The following NEXMIF variants were observed in gnomAD, a reference collection of about 807,000 sequenced individuals.
NEXMIF encodes the protein XLMR protein related to neurite extension.
In NEXMIF, 8 loss-of-function variants were observed where a neutral mutation model predicts 62.1. The observed-to-expected ratio is 0.13, with a 90% confidence interval of 0.08 to 0.23. NEXMIF has a LOEUF of 0.23. Among genes scored for constraint, NEXMIF ranks in the 10% least tolerant of loss-of-function variants. The probability of loss-of-function intolerance (pLI) is 1.00; values close to 1 mark genes in which losing one functional copy is unlikely to be tolerated. For missense variants in NEXMIF, 976 were observed against 1,113.3 expected (o/e 0.88, Z 1.75); for synonymous variants, 404 against 416.6 (o/e 0.97, Z 0.37).
Position 74,877,138 on chromosome X carries a change from C to G in NEXMIF, c.-48+47745G>C, listed in dbSNP as rs888959015. On this transcript the variant is annotated intron_variant, in intron 1 of 3. Coordinates refer to ENST00000055682, the MANE Select transcript of NEXMIF (RefSeq NM_001008537.3). Reference sequence around the variant, plus strand: ...TTTGCAGCAGCTGGTACAGGTCGTTCCTTTCCATGTTTAGCGCTTCCTTCA... The same window carrying G: ...TTTGCAGCAGCTGGTACAGGTCGTTGCTTTCCATGTTTAGCGCTTCCTTCA... Among the ~76,000 whole-genome samples the G allele has an allele frequency of 4.3e-4, 48 of 111,641 alleles. 1 individual carries two copies. Among genetic ancestry groups the G allele is most frequent in the Non-Finnish European group, 1.1e-4 (6 of 53,197 alleles).
intron 1 of NEXMIF, among the ~76,000 whole-genome samples, chrX:74,856,267 A>T (rs956179749): frequency 4.4e-5 from 5 of 112,413 alleles, no homozygotes; most frequent in Non-Finnish European, 9.4e-5. Flanking sequence ...TCTAGACTCA[A>T]AAGTATAAAT....
chrX:74,915,657 A>T (rs968537835), intron 1 of NEXMIF, among the ~76,000 whole-genome samples: 1 of 111,982 alleles, frequency 8.9e-6, no homozygotes, highest in Non-Finnish European at 1.9e-5. Flanking sequence ...TAGAGGGGTC[A>T]TTATAAACAG....
At chrX:74,821,945 T>G (rs2080398300) in intron 1 of NEXMIF, among the ~76,000 whole-genome samples, 1 of 111,237 alleles carries the variant, frequency 9.0e-6, no homozygotes, top group Non-Finnish European at 1.9e-5. Context: ...GAGACGAGGT[T>G]TTGCCACGTA....
chrX:74,761,677 C>T (rs2080176501), intron 1 of NEXMIF, among the ~76,000 whole-genome samples: 4 of 111,135 alleles, frequency 3.6e-5, no homozygotes, highest in African/African-American at 1.3e-4. Context: ...AAACCAACTC[C>T]TATTTACATT....
At chrX:74,915,308 CAT>C (rs2080802971) in intron 1 of NEXMIF, among the ~76,000 whole-genome samples, 2 of 111,822 alleles carry the variant, frequency 1.8e-5, no homozygotes, top group Non-Finnish European at 3.8e-5. Flanking sequence ...CAAATATACA[CAT>C]GTGATAAAGT....
chrX:74,870,708 A>G (rs1324422680), intron 1 of NEXMIF, among the ~76,000 whole-genome samples: 1 of 112,086 alleles, frequency 8.9e-6, no homozygotes, highest in Non-Finnish European at 1.9e-5. Flanking sequence ...GCAAACAGGT[A>G]CAATGGCTCA....
At chrX:74,739,867 A>C (rs1473304050) in intron 3 of NEXMIF, 2 of 397,593 alleles carry the variant, frequency 5.0e-6, no homozygotes, top group Non-Finnish European at 8.6e-6. Flanking sequence ...GCTTTGTTAG[A>C]GCTTATCCCT....
At chrX:74,843,791 G>C (rs2080482091) in intron 1 of NEXMIF, among the ~76,000 whole-genome samples, 1 of 112,133 alleles carries the variant, frequency 8.9e-6, no homozygotes, top group Non-Finnish European at 1.9e-5. Context: ...TTCAAGGTTA[G>C]TATTGATATG....
At chrX:74,800,509 C>A (rs2080326474) in intron 1 of NEXMIF, among the ~76,000 whole-genome samples, 1 of 110,575 alleles carries the variant, frequency 9.0e-6, no homozygotes, top group South Asian at 3.9e-4. Context: ...GATAATCACT[C>A]CACAATCACA....
At chrX:74,766,308 T>C (rs1393389611) in intron 1 of NEXMIF, among the ~76,000 whole-genome samples, 1 of 112,082 alleles carries the variant, frequency 8.9e-6, no homozygotes, top group Non-Finnish European at 1.9e-5. Flanking sequence ...AGTTTTCACG[T>C]ATGATATCTT....
intron 1 of NEXMIF, among the ~76,000 whole-genome samples, chrX:74,749,492 A>G (rs1277338219): frequency 9.1e-6 from 1 of 110,492 alleles, no homozygotes; most frequent in Admixed American, 9.7e-5. Flanking sequence ...ACTTCCCCCT[A>G]TGTTCCTAAA....
At chrX:74,887,850 T>C (rs1192039287) in intron 1 of NEXMIF, among the ~76,000 whole-genome samples, 1 of 111,958 alleles carries the variant, frequency 8.9e-6, no homozygotes, top group Non-Finnish European at 1.9e-5. Context: ...TGCACACATA[T>C]GTTTATTGCG....
chrX:74,868,366 G>A (rs1395229246), intron 1 of NEXMIF, among the ~76,000 whole-genome samples: 1 of 111,642 alleles, frequency 9.0e-6, no homozygotes, highest in Middle Eastern at 4.2e-3. Flanking sequence ...GCAAAGACAT[G>A]GAATCAACCC....
intron 1 of NEXMIF, among the ~76,000 whole-genome samples, chrX:74,797,282 A>G (rs759572212): frequency 2.7e-5 from 3 of 112,122 alleles, no homozygotes; most frequent in African/African-American, 9.7e-5. Flanking sequence ...GAAAAATGAT[A>G]ATTAATGGAA....
At chrX:74,786,883 C>A (rs757595968) in intron 1 of NEXMIF, among the ~76,000 whole-genome samples, 31 of 110,235 alleles carry the variant, frequency 2.8e-4, no homozygotes, top group Admixed American at 4.8e-4. Context: ...ACACACACAC[C>A]CCTATCACTA....
In NEXMIF at chrX:74,739,288, T is replaced by C. The variant is rs1379756016; in HGVS notation, c.*117A>G. 1 of 463,046 alleles carries C rather than the reference T, an allele frequency of 2.2e-6. No homozygotes were observed. The highest frequency in any genetic ancestry group is 3.6e-6 in the Non-Finnish European group (1 of 278,039). The allele number at this position is 463,046 out of a possible 1,213,427, so 38.2% of individuals were successfully genotyped here. On this transcript the variant is annotated 3_prime_UTR_variant, in exon 4 of 4. Transcript: ENST00000055682. ...CTTTTTAAGTCTTTTACATAGAACATGAGATTAAAGTTTGCTCCAAAGACG... is the reference window on the plus strand; with the variant it reads ...CTTTTTAAGTCTTTTACATAGAACACGAGATTAAAGTTTGCTCCAAAGACG...
intron 1 of NEXMIF, among the ~76,000 whole-genome samples, chrX:74,859,369 G>T (rs182507544): frequency 3.6e-5 from 4 of 111,599 alleles, no homozygotes; most frequent in African/African-American, 1.3e-4. Context: ...TTAAAGTGAT[G>T]ACAGAAAATA....
intron 1 of NEXMIF, among the ~76,000 whole-genome samples, chrX:74,757,423 T>C (rs1042695211): frequency 1.8e-5 from 2 of 112,275 alleles, no homozygotes; most frequent in African/African-American, 3.2e-5. Context: ...CAAGAAAGGC[T>C]TCCCTTTTGC....
At chrX:74,899,004 T>C (rs772837377) in intron 1 of NEXMIF, among the ~76,000 whole-genome samples, 4 of 111,631 alleles carry the variant, frequency 3.6e-5, no homozygotes, top group Non-Finnish European at 7.5e-5. Context: ...AAAGACATCC[T>C]GCGTTCATGG....
Sources: allele counts gnomAD v4.1 joint callset (sites outside exome capture counted in the v4.1 genomes callset), GRCh38; gene constraint gnomAD v4.1.1; transcripts MANE v1.5; gene names NCBI Gene and HGNC (gene_info 2026-07-23, HGNC 2026-07-21).